EZH1: variants seen among roughly 807,000 people sequenced by gnomAD.
EZH1 encodes histone-lysine N-methyltransferase EZH1.
Under a neutral mutation model 100.5 loss-of-function variants are expected in EZH1, and 33 were observed. The ratio of observed to expected loss-of-function variants is 0.33; its 90% CI spans 0.25 to 0.44. The LOEUF is 0.44. EZH1 is among the 20% of genes least tolerant of loss of function. EZH1 has a pLI of 1.00. For missense variants in EZH1, 475 were observed against 928.4 expected (o/e 0.51, Z 6.35); for synonymous variants, 272 against 313.8 (o/e 0.87, Z 1.41).
chr17:42,708,087 G>A lies in EZH1; in HGVS notation c.1535-4C>T. ...TACACTTGTGTGGAAGAGTTATCTA[G>A]GAAAGAAAACAGAGGAGGATGCTGC... On this transcript the variant is annotated splice_polypyrimidine_tract_variant and splice_region_variant and intron_variant, in intron 14 of 20. Transcript: ENST00000428826. The A allele has an allele frequency of 6.3e-7, 1 of 1,599,368 alleles. No individual in the cohort carries two copies. The highest frequency in any genetic ancestry group is 1.1e-5 in the South Asian group (1 of 89,848).
chr17:42,709,102 G>A (rs2053421820), intron 13 of EZH1, 186 bp from the exon 14 acceptor site: 1 of 620,762 alleles, frequency 1.6e-6, no homozygotes, highest in African/African-American at 1.8e-5. Context: ...GCTGGCCTGT[G>A]CTACAAGAGT....
At position 42,706,305 on chromosome 17, in the gene EZH1, G is replaced by A. The variant is rs533762983; in HGVS notation, c.1661-120C>T. 1.2e-6 allele frequency: 1 copy of A among 843,304 alleles called. No individual in the cohort carries two copies. The highest frequency in any genetic ancestry group is 1.7e-5 in the African/African-American group (1 of 58,472). The allele number at this position is 843,304 out of a possible 1,614,324, so 52.2% of individuals were successfully genotyped here. A position where few individuals can be genotyped will look rare whatever the true frequency, so the allele number is the denominator to read the frequency against. On this transcript the variant is annotated intron_variant, in intron 15 of 20. Coordinates refer to ENST00000428826, the MANE Select transcript of EZH1 (RefSeq NM_001991.5). The surrounding 1 kb of genome is among the most constrained non-coding windows in gnomAD (Gnocchi z 4.4). ...TGTTCAAGGATGTTTGGCAAAATAA[G>A]AGGAAGCTCCCTTCCCAATAATCAA...
At chr17:42,715,193 A>G (rs2053577697) in intron 10 of EZH1, among the ~76,000 whole-genome samples, 1 of 143,164 alleles carries the variant, frequency 7.0e-6, no homozygotes, top group Non-Finnish European at 1.5e-5. Flanking sequence ...ATCATAGATT[A>G]TATGTATTTA....
At chr17:42,743,469 CT>C (rs756192995) in intron 1 of EZH1, among the ~76,000 whole-genome samples, 182 of 143,030 alleles carry the variant, frequency 1.3e-3, no homozygotes, top group Middle Eastern at 3.6e-3. Flanking sequence ...CCGTGCCAGG[CT>C]TTTTTTTTTT....
rs1227092746 is a variant in EZH1, at chr17:42,701,275, A to C, written c.*1257T>G. ...GAGACCTTAGGCCAAACTCTACCCC[A>C]ATCTATAGACCTTTTAAAAGAAATG... On this transcript the variant is annotated 3_prime_UTR_variant, in exon 21 of 21. Transcript: ENST00000428826. The C allele has an allele frequency of 6.5e-6, 1 of 152,714 alleles. No individual in the cohort carries two copies. Among genetic ancestry groups the C allele is most frequent in the Non-Finnish European group, 1.5e-5 (1 of 68,020 alleles). 9.5% of individuals were successfully genotyped at this position (152,714 alleles called of 1,614,324 possible). A position where few individuals can be genotyped will look rare whatever the true frequency, so the allele number is the denominator to read the frequency against.
intron 1 of EZH1, among the ~76,000 whole-genome samples, chr17:42,731,606 T>A (rs1252160679): frequency 6.6e-6 from 1 of 152,032 alleles, no homozygotes; most frequent in Non-Finnish European, 1.5e-5. Flanking sequence ...TAAAAATGTT[T>A]AAAAACATTA....
chr17:42,727,664 G>T lies in EZH1; in HGVS notation c.217C>A (p.Pro73Thr), dbSNP rs199753838. 3.7e-6 allele frequency: 6 copies of T among 1,612,718 alleles called. No homozygotes were observed. The highest frequency in any genetic ancestry group is 8.5e-7 in the Non-Finnish European group (1 of 1,179,418). ...TTGAGAAAAGGGTGTCCACTCACAG[G>T]CTTCATTGACTGAACAGGTTGGACA... ...LRVQPVQSMK[P>T]VSGHPFLKKC... The change falls in exon 4 of 21, where the codon CCT (proline) becomes ACT (threonine). Residue 73 changes from proline to threonine, a missense_variant. Transcript: ENST00000428826.
At chr17:42,730,950 T>A (rs1439253427) in intron 1 of EZH1, 32 bp from the exon 2 acceptor site, 2 of 956,730 alleles carry the variant, frequency 2.1e-6, no homozygotes, top group African/African-American at 1.8e-5. Context: ...GTGGTTCTAT[T>A]AAGTTAGTGC....
At chr17:42,704,111 G>A (rs2053301120) in intron 18 of EZH1, among the ~76,000 whole-genome samples, 1 of 152,168 alleles carries the variant, frequency 6.6e-6, no homozygotes, top group African/African-American at 2.4e-5. Flanking sequence ...ACCCAGAAAT[G>A]GAGGTTCTTC....
At chr17:42,704,942 G>T in intron 17 of EZH1, 146 bp downstream of exon 17, 1 of 700,626 alleles carries the variant, frequency 1.4e-6, no homozygotes, top group Non-Finnish European at 2.4e-6. Flanking sequence ...TACTGCAAAC[G>T]GTTCTGTGGG....
chr17:42,738,726 AC>A (rs1220019215), intron 1 of EZH1, among the ~76,000 whole-genome samples: 9 of 148,240 alleles, frequency 6.1e-5, no homozygotes, highest in Admixed American at 4.7e-4. Flanking sequence ...TGCTGGGATT[AC>A]AGGCGTAAGC....
chr17:42,724,662 T>A, intron 4 of EZH1: 1 of 352,720 alleles, frequency 2.8e-6, no homozygotes, highest in South Asian at 2.9e-5. Context: ...GGTACACACA[T>A]GTAATCCCAG....
At chr17:42,738,459 T>G (rs8082238) in intron 1 of EZH1, among the ~76,000 whole-genome samples, 72,046 of 151,350 alleles carry the variant, frequency 0.48, 17,340 homozygotes, top group Non-Finnish European at 0.53. Flanking sequence ...GTATTTATTA[T>G]TATTTTTTGA....
intron 1 of EZH1, among the ~76,000 whole-genome samples, chr17:42,743,350 T>G (rs775193347): frequency 2.0e-5 from 3 of 151,488 alleles, no homozygotes; most frequent in Non-Finnish European, 4.4e-5. Context: ...TTTGTATTTT[T>G]AGTAGAGATG....
At chr17:42,739,492 G>A (rs1158618139) in intron 1 of EZH1, among the ~76,000 whole-genome samples, 1 of 152,130 alleles carries the variant, frequency 6.6e-6, no homozygotes, top group Non-Finnish European at 1.5e-5. Flanking sequence ...AGCACTTTGG[G>A]AGGCCAAGGC....
intron 1 of EZH1, among the ~76,000 whole-genome samples, chr17:42,740,190 G>A (rs968738553): frequency 4.6e-5 from 7 of 151,978 alleles, no homozygotes; most frequent in Non-Finnish European, 5.9e-5. Flanking sequence ...TGGGACTACG[G>A]GCACATGCCA....
At chr17:42,716,029 A>G (rs1213647647) in intron 10 of EZH1, among the ~76,000 whole-genome samples, 1 of 151,662 alleles carries the variant, frequency 6.6e-6, no homozygotes, top group Non-Finnish European at 1.5e-5. Context: ...CCTGGGCAAC[A>G]AGAGTGAAAC....
chr17:42,722,128 G>A (rs1231985412), intron 6 of EZH1, among the ~76,000 whole-genome samples: 1 of 129,472 alleles, frequency 7.7e-6, no homozygotes, highest in Non-Finnish European at 1.6e-5. Context: ...CAGCCTGGGT[G>A]ACACAGCGAG....
intron 12 of EZH1, among the ~76,000 whole-genome samples, chr17:42,710,484 T>G (rs1284527337): frequency 1.3e-5 from 2 of 152,160 alleles, no homozygotes; most frequent in African/African-American, 4.8e-5. Context: ...TTGAAAACTG[T>G]AACTATTCTC....
Sources: gnomAD v4.1 joint callset for allele counts (sites outside exome capture counted in the v4.1 genomes callset) on GRCh38, gnomAD v4.1.1 for gene constraint, Gnocchi (gnomAD v3.1) non-coding constraint, MANE v1.5 for transcripts, NCBI Gene and HGNC (gene_info 2026-07-23, HGNC 2026-07-21) for gene names.